The following PRICKLE4 variants were observed in gnomAD, a reference collection of about 807,000 sequenced individuals.
PRICKLE4 encodes prickle-like protein 4.
PRICKLE4 carries 40 observed loss-of-function variants against 43.5 expected under a neutral mutation model. The observed-to-expected ratio is 0.92, with a 90% CI of 0.71 to 1.20. The LOEUF is 1.20. Ranked by LOEUF, PRICKLE4 falls within the 50% of genes most tolerant of loss-of-function variation. The pLI, the probability that PRICKLE4 is intolerant of heterozygous loss-of-function variation, is 0.00. For synonymous variants in PRICKLE4, 208 were observed against 197.4 expected (o/e 1.05, Z -0.45); for missense variants, 527 against 491.2 (o/e 1.07, Z -0.69).
At chr6:41,784,714 G>C (rs577506510) in intron 4 of PRICKLE4, 85 of 594,786 alleles carry the variant, frequency 1.4e-4, no homozygotes, top group Non-Finnish European at 3.2e-5. Context: ...GGGCCTGTCA[G>C]GACCTGATTG....
At position 41,787,181 on chromosome 6, in the gene PRICKLE4, G is replaced by A; in HGVS notation, c.*52G>A. 1 of 1,529,776 alleles carries A rather than the reference G, an allele frequency of 6.5e-7. No individual in the cohort carries two copies. Among genetic ancestry groups the A allele is most frequent in the Non-Finnish European group, 8.7e-7 (1 of 1,146,086 alleles). The allele number at this position is 1,529,776 out of a possible 1,614,324, so 94.8% of individuals were successfully genotyped here. The stretch of plus-strand genomic sequence containing the variant: ...GTGGGAGGAAAGGGGTCTGTAAAGC[G>A]GGAGAACAAGGCTAGCCTCCCCCTA... On this transcript the variant is annotated 3_prime_UTR_variant, in exon 8 of 8. Coordinates refer to ENST00000458694, the MANE Select transcript of PRICKLE4 (RefSeq NM_013397.6).
chr6:41,783,187 C>A (rs1772581284), intron 2 of PRICKLE4, among the ~76,000 whole-genome samples: 1 of 152,188 alleles, frequency 6.6e-6, no homozygotes, highest in Admixed American at 6.5e-5. Context: ...TACCTCCATC[C>A]TGATCTTGGG....
At chr6:41,783,387 C>T (rs1581977499) in intron 2 of PRICKLE4, 75 bp from the exon 3 acceptor site, 1 of 1,368,404 alleles carries the variant, frequency 7.3e-7, no homozygotes, top group Admixed American at 2.5e-5. Context: ...GAAATAATAT[C>T]TATAAAGCAC....
At chr6:41,784,644 G>T (rs969533532) in intron 4 of PRICKLE4, 1 of 512,024 alleles carries the variant, frequency 2.0e-6, no homozygotes, top group East Asian at 3.6e-5. Context: ...AATGGGAAGT[G>T]ATACTGAGCT....
At chr6:41,781,313 G>A (rs1304181890) in intron 1 of PRICKLE4, 37 bp from the exon 2 acceptor site, 2 of 152,780 alleles carry the variant, frequency 1.3e-5, no homozygotes, top group Non-Finnish European at 2.9e-5. Context: ...TGATTTCTGA[G>A]TGTTGTTTCT....
At chr6:41,786,025 G>A (rs189387340) in intron 6 of PRICKLE4, 103 bp from the exon 7 acceptor site, 1 of 1,230,090 alleles carries the variant, frequency 8.1e-7, no homozygotes, top group Non-Finnish European at 1.2e-6. Context: ...GGGAATGTGT[G>A]CAGACGTGCT....
In PRICKLE4 at chr6:41,784,943, C is replaced by A; in HGVS notation, c.249C>A (p.Tyr83Ter). Residue 83 changes from tyrosine (Y) to a stop codon, truncating the protein, a stop_gained, in exon 5 of 8, where the codon TAC becomes TAA. Coordinates refer to ENST00000458694, the MANE Select transcript of PRICKLE4 (RefSeq NM_013397.6). LOFTEE classifies it high-confidence loss of function. ...GAGGACTGTTTCTGCAGGAGCGCTACTGCCTGGCCCTTGGGGAGGAGGAGC... is the reference window on the plus strand; with the variant it reads ...GAGGACTGTTTCTGCAGGAGCGCTAATGCCTGGCCCTTGGGGAGGAGGAGC... ...QLPPQDIDER[Y>*]CLALGEEERA... 1 of 1,613,998 alleles carries A rather than the reference C, an allele frequency of 6.2e-7. No homozygotes were observed. The highest frequency in any genetic ancestry group is 8.5e-7 in the Non-Finnish European group (1 of 1,179,980).
At chr6:41,784,303 G>A (rs777509449) in intron 4 of PRICKLE4, 65 bp downstream of exon 4, 25 of 1,317,704 alleles carry the variant, frequency 1.9e-5, no homozygotes, top group African/African-American at 3.0e-5. Flanking sequence ...TCTTACTGTG[G>A]GAAGAACCTC....
intron 6 of PRICKLE4, 145 bp downstream of exon 6, chr6:41,785,685 T>C (rs1216995295): frequency 2.2e-5 from 19 of 858,810 alleles, no homozygotes; most frequent in Middle Eastern, 3.3e-4. Flanking sequence ...AAGTTCCCTG[T>C]GTTCTGACTT....
Position 41,786,192 on chromosome 6 carries a change from G to A in PRICKLE4, c.647G>A (p.Cys216Tyr), listed in dbSNP as rs199630543. The change falls in exon 7 of 8, where the codon TGC becomes TAC. Residue 216 changes from cysteine (C) to tyrosine (Y), a missense_variant. Transcript: ENST00000458694. Reference sequence around the variant, plus strand: ...CGCTGGCATGAGAACCACTTCTGTTGCCAGGACTGCGCCGGGCCTCTGGGC... The same window carrying A: ...CGCTGGCATGAGAACCACTTCTGTTACCAGGACTGCGCCGGGCCTCTGGGC... ...GQRWHENHFC[C>Y]QDCAGPLGGG... is the part of the protein sequence containing the mutation. The A allele has an allele frequency of 1.2e-6, 2 of 1,612,032 alleles. No homozygotes were observed. The highest frequency in any genetic ancestry group is 3.3e-5 in the Admixed American group (2 of 59,888).
chr6:41,787,357 T>C lies in PRICKLE4; in HGVS notation c.*228T>C. On this transcript the variant is annotated 3_prime_UTR_variant, in exon 8 of 8. Coordinates refer to ENST00000458694, the MANE Select transcript of PRICKLE4 (RefSeq NM_013397.6). The stretch of plus-strand genomic sequence containing the variant: ...CCATTCCCCAAAGCTACGCTTCCCC[T>C]GCTGAGATAGCCCCTACCCCCACCT... The C allele has an allele frequency of 1.5e-6, 1 of 678,226 alleles. No individual in the cohort carries two copies. Among genetic ancestry groups the C allele is most frequent in the Non-Finnish European group, 2.4e-6 (1 of 418,524 alleles). The allele number at this position is 678,226 out of a possible 1,614,324, so 42.0% of individuals were successfully genotyped here.
At position 41,786,301 on chromosome 6, in the gene PRICKLE4, G is replaced by A; in HGVS notation, c.756G>A (p.Trp252Ter). The change falls in exon 7 of 8, where the codon TGG becomes TGA. Residue 252 changes from tryptophan to a stop codon, truncating the protein, a stop_gained. Coordinates refer to ENST00000458694, the MANE Select transcript of PRICKLE4 (RefSeq NM_013397.6). LOFTEE classifies it high-confidence loss of function. Reference protein sequence around the residue: ...ENRYSDAGSSWAGALEGQAFL... With the variant: ...ENRYSDAGSS ...GCTACTCGGATGCAGGCTCGAGCTG[G>A]GCCGGGGCACTGGAAGGGCAGGCAT... The A allele has an allele frequency of 6.3e-7, 1 of 1,576,792 alleles. No individual in the cohort carries two copies.
chr6:41,785,188 C>G, intron 5 of PRICKLE4, 116 bp downstream of exon 5: 1 of 1,554,364 alleles, frequency 6.4e-7, no homozygotes, highest in South Asian at 1.2e-5. Flanking sequence ...AAAACAGAAA[C>G]CAAGTTTGCA....
intron 2 of PRICKLE4, among the ~76,000 whole-genome samples, 161 bp downstream of exon 2, chr6:41,781,681 G>A (rs1478089893): frequency 6.6e-6 from 1 of 152,120 alleles, no homozygotes; most frequent in Non-Finnish European, 1.5e-5. Context: ...CAGTCTTAGA[G>A]GCCAGGGATT....
rs1194970520 is a variant in PRICKLE4 at position 41,784,333 on chromosome 6, G to A, written c.240+95G>A. The A allele has an allele frequency of 8.3e-5, 86 of 1,039,888 alleles. No individual in the cohort carries two copies. The East Asian group carries it at 2.3e-3, about 28-fold the overall frequency. 64.4% of individuals were successfully genotyped at this position (1,039,888 alleles called of 1,614,324 possible). A position where few individuals can be genotyped will look rare whatever the true frequency, so the allele number is the denominator to read the frequency against. ...AACCTCAGTCCAGAAGTTAGGGGAT[G>A]TGGATTTAATGCCCAGCTATGGCAC... On this transcript the variant is annotated intron_variant, in intron 4 of 7. Transcript: ENST00000458694.
intron 4 of PRICKLE4, among the ~76,000 whole-genome samples, 190 bp downstream of exon 4, chr6:41,784,428 T>C (rs548391231): frequency 1.2e-4 from 18 of 152,350 alleles, no homozygotes; most frequent in Non-Finnish European, 2.1e-4. Context: ...TGCAATAACA[T>C]CTGCTCTGCC....
At chr6:41,786,732 G>A (rs1772662645) in intron 7 of PRICKLE4, 30 bp from the exon 8 acceptor site, 12 of 1,612,370 alleles carry the variant, frequency 7.4e-6, no homozygotes, top group African/African-American at 2.7e-5. Flanking sequence ...GCGGCTCTGA[G>A]ACCAGCGTTT....
rs1772624406 is a variant in PRICKLE4 at position 41,785,381 on chromosome 6, C to T, written c.423C>T (p.Ala141=). 6.2e-7 allele frequency: 1 copy of T among 1,614,034 alleles called. No individual in the cohort carries two copies. Among genetic ancestry groups the T allele is most frequent in the African/African-American group, 1.3e-5 (1 of 74,928 alleles). Residue 141 remains alanine (A), a synonymous_variant, in exon 6 of 8, where the codon GCC becomes GCT. Transcript: ENST00000458694. ...CAGGGGAGTACGGAGTGTTTGCAGC[C>T]CGGGCAGGGGAACAGCGCTGCTGGC... ...LKPGEYGVFA[A]RAGEQRCWHQ...
chr6:41,787,449 G>C lies in PRICKLE4; in HGVS notation c.*320G>C. ...AGCCAATTAAATGATCACAGCACGC[G>C]TGACAGTTACCGGCTGGAGAGCCGG... On this transcript the variant is annotated 3_prime_UTR_variant, in exon 8 of 8. Coordinates refer to ENST00000458694, the MANE Select transcript of PRICKLE4 (RefSeq NM_013397.6). 1 of 624,240 alleles carries C rather than the reference G, an allele frequency of 1.6e-6. No individual in the cohort carries two copies. The highest frequency in any genetic ancestry group is 2.1e-5 in the South Asian group (1 of 47,378). The allele number at this position is 624,240 out of a possible 1,614,324, so 38.7% of individuals were successfully genotyped here.
Sources: allele counts gnomAD v4.1 joint callset (sites outside exome capture counted in the v4.1 genomes callset), GRCh38; gene constraint gnomAD v4.1.1; transcripts MANE v1.5; gene names NCBI Gene and HGNC (gene_info 2026-07-23, HGNC 2026-07-21).